SMYD3: variants seen among roughly 807,000 people sequenced by gnomAD.
SMYD3 encodes the protein SET and MYND domain containing 3, also known as histone-lysine N-methyltransferase SMYD3.
In SMYD3, 36 loss-of-function variants were observed where a neutral mutation model predicts 57.7. That is an observed-to-expected ratio of 0.62 (90% CI 0.48 to 0.82). The LOEUF is 0.82. Among genes scored for constraint, SMYD3 ranks in the 40% least tolerant of loss-of-function variants. The pLI is 0.00. For missense variants in SMYD3, 515 were observed against 538.8 expected (o/e 0.96, Z 0.44); for synonymous variants, 211 against 195.0 (o/e 1.08, Z -0.68).
intron 1 of SMYD3, among the ~76,000 whole-genome samples, chr1:246,469,365 A>T (rs968655500): frequency 3.3e-5 from 5 of 152,252 alleles, no homozygotes; most frequent in Non-Finnish European, 4.4e-5. Flanking sequence ...ATATGTCAAC[A>T]AAAGCTAAAG....
At chr1:246,403,264 T>C (rs2066801980) in intron 1 of SMYD3, among the ~76,000 whole-genome samples, 8 of 151,824 alleles carry the variant, frequency 5.3e-5, no homozygotes, top group Admixed American at 5.3e-4. Flanking sequence ...GAGGCCTTGG[T>C]AGGAGGACTG....
At chr1:246,228,129 C>T (rs115269913) in intron 5 of SMYD3, among the ~76,000 whole-genome samples, 1,695 of 152,042 alleles carry the variant, frequency 0.011, 16 homozygotes, top group Middle Eastern at 0.031. Flanking sequence ...GCTACCATGA[C>T]CGGCTAATTT....
At chr1:246,065,831 A>G (rs1162117897) in intron 5 of SMYD3, among the ~76,000 whole-genome samples, 1 of 152,164 alleles carries the variant, frequency 6.6e-6, no homozygotes, top group African/African-American at 2.4e-5. Flanking sequence ...GATTCCACCT[A>G]AGAAAGGCAA....
At chr1:246,198,258 T>A (rs1474733437) in intron 5 of SMYD3, among the ~76,000 whole-genome samples, 2 of 152,186 alleles carry the variant, frequency 1.3e-5, no homozygotes, top group African/African-American at 4.8e-5. Context: ...TGGACCCCCA[T>A]TCACAGTCAA....
At chr1:245,751,414 G>A (rs1394268055) in intron 11 of SMYD3, among the ~76,000 whole-genome samples, 2 of 152,162 alleles carry the variant, frequency 1.3e-5, no homozygotes, top group East Asian at 1.9e-4. Flanking sequence ...ATTTCAGGGG[G>A]ATGGGTAATT....
At chr1:245,779,772 G>C (rs1394129005) in intron 10 of SMYD3, among the ~76,000 whole-genome samples, 1 of 152,138 alleles carries the variant, frequency 6.6e-6, no homozygotes, top group Admixed American at 6.5e-5. Context: ...CTCATATATT[G>C]TTAATAGGAA....
In SMYD3 at chr1:245,764,761, T is replaced by C. The variant is rs537606307; in HGVS notation, c.1077-612A>G. ...CCCCATCTGCGTTCTCCATGATGTCTGACATGCAGGAGGAACTCAATCCAT... is the reference window on the plus strand; with the variant it reads ...CCCCATCTGCGTTCTCCATGATGTCCGACATGCAGGAGGAACTCAATCCAT... On this transcript the variant is annotated intron_variant, in intron 10 of 11. Transcript: ENST00000490107. 2.6e-5 allele frequency among the ~76,000 whole-genome samples: 4 copies of C among 152,226 alleles called. No individual in the cohort carries two copies. The East Asian group carries it at 7.7e-4, about 29-fold the overall frequency.
intron 5 of SMYD3, among the ~76,000 whole-genome samples, chr1:246,284,671 C>T (rs1177382732): frequency 6.6e-6 from 1 of 152,162 alleles, no homozygotes; most frequent in African/African-American, 2.4e-5. Flanking sequence ...CCACCTCAGC[C>T]TCCCAAAGTG....
Position 245,764,856 on chromosome 1 carries a change from G to A in SMYD3, c.1077-707C>T, listed in dbSNP as rs75113511. ...TGGACCAAAGAAAGAGGACGCACACGACTCCGGCTATGGGCTGTTTCAGAC... is the reference window on the plus strand; with the variant it reads ...TGGACCAAAGAAAGAGGACGCACACAACTCCGGCTATGGGCTGTTTCAGAC... On this transcript the variant is annotated intron_variant, in intron 10 of 11. Transcript: ENST00000490107. 2.2e-3 allele frequency among the ~76,000 whole-genome samples: 339 copies of A among 152,176 alleles called. 16 individuals are homozygous for A. In the East Asian group the frequency reaches 0.053, roughly 24 times the overall value.
At chr1:246,445,714 G>A (rs1043825225) in intron 1 of SMYD3, among the ~76,000 whole-genome samples, 35 of 152,128 alleles carry the variant, frequency 2.3e-4, no homozygotes, top group Non-Finnish European at 3.5e-4. Flanking sequence ...CAAGTATGGA[G>A]GGGACTTCCA....
intron 5 of SMYD3, among the ~76,000 whole-genome samples, chr1:246,266,487 C>T (rs541288159): frequency 1.3e-5 from 2 of 152,208 alleles, no homozygotes; most frequent in South Asian, 2.1e-4. Context: ...TATGTTCCAA[C>T]GGTACCTGGT....
chr1:246,471,267 T>C (rs35703197), intron 1 of SMYD3, among the ~76,000 whole-genome samples: 24,244 of 152,212 alleles, frequency 0.16, 2,500 homozygotes, highest in East Asian at 0.45. Flanking sequence ...TGTATGATCA[T>C]GGCTCACTGC....
Position 246,050,665 on chromosome 1 carries a change from T to C in SMYD3, c.532-120728A>G, listed in dbSNP as rs539416270. On this transcript the variant is annotated intron_variant, in intron 5 of 11. Transcript: ENST00000490107. ...TGTAAGCAGGTTAGAACTAAAATGG[T>C]GAACGCTGAGACTGCCGGAAGATTT... Among the ~76,000 whole-genome samples the C allele has an allele frequency of 6.6e-5, 10 of 152,224 alleles. No homozygotes were observed. The East Asian group carries it at 9.7e-4, about 15-fold the overall frequency.
At chr1:246,292,054 A>ATC (rs1572344931) in intron 5 of SMYD3, among the ~76,000 whole-genome samples, 1 of 88,436 alleles carries the variant, frequency 1.1e-5, no homozygotes, top group East Asian at 3.4e-4. Context: ...ACACCAGTAC[A>ATC]TTAGACTTAC....
chr1:245,902,294 A>G (rs1340981858), intron 8 of SMYD3, among the ~76,000 whole-genome samples: 1 of 152,192 alleles, frequency 6.6e-6, no homozygotes, highest in African/African-American at 2.4e-5. Flanking sequence ...TCCTCAAAGC[A>G]TGGGAGCTGC....
At position 245,769,482 on chromosome 1, in the gene SMYD3, C is replaced by T. The variant is rs544138748; in HGVS notation, c.1077-5333G>A. Among the ~76,000 whole-genome samples, 6 of 152,232 alleles carry T rather than the reference C, an allele frequency of 3.9e-5. No individual in the cohort carries two copies. The South Asian group carries it at 8.3e-4, about 21-fold the overall frequency. ...GGGTACGGGAAATTCTACAAAAGCC[C>T]GGACCCGGGATCTTCAACAAGTCAA... On this transcript the variant is annotated intron_variant, in intron 10 of 11. Coordinates refer to ENST00000490107, the MANE Select transcript of SMYD3 (RefSeq NM_001167740.2).
chr1:245,945,765 G>A (rs1399996190), intron 5 of SMYD3, among the ~76,000 whole-genome samples: 2 of 152,140 alleles, frequency 1.3e-5, no homozygotes, highest in Non-Finnish European at 2.9e-5. Flanking sequence ...TATACACCAT[G>A]GAATACTACA....
intron 10 of SMYD3, among the ~76,000 whole-genome samples, chr1:245,798,403 CACATACA>C (rs754298134): frequency 4.2e-3 from 53 of 12,692 alleles, no homozygotes; most frequent in Non-Finnish European, 6.0e-3. Context: ...CACACACACA[CACATACA>C]CACACATACA....
intron 1 of SMYD3, among the ~76,000 whole-genome samples, chr1:246,410,800 T>C (rs898516756): frequency 3.3e-5 from 5 of 152,134 alleles, no homozygotes; most frequent in Non-Finnish European, 7.4e-5. Flanking sequence ...CATCTGGTCC[T>C]GGACTTTTTT....
Sources: gnomAD v4.1 joint callset for allele counts (sites outside exome capture counted in the v4.1 genomes callset) on GRCh38, gnomAD v4.1.1 for gene constraint, MANE v1.5 for transcripts, NCBI Gene and HGNC (gene_info 2026-07-23, HGNC 2026-07-21) for gene names.